Variants in PRR14L observed in about 807,000 individuals in gnomAD.
PRR14L encodes the protein proline rich 14 like.
PRR14L carries 80 observed loss-of-function variants against 155.0 expected under a neutral mutation model. The ratio of observed to expected loss-of-function variants is 0.52; its 90% CI spans 0.43 to 0.62. PRR14L has a LOEUF of 0.62. Among genes scored for constraint, PRR14L ranks in the 20% least tolerant of loss-of-function variants. The pLI is 0.00. For synonymous variants in PRR14L, 883 were observed against 916.0 expected, an observed-to-expected ratio of 0.96 and a Z score of 0.65; for missense variants, 2,469 against 2,548.0, an observed-to-expected ratio of 0.97 and a Z score of 0.67.
Position 31,713,442 on chromosome 22 carries a change from T to A in PRR14L, c.4397A>T (p.Asp1466Val). ...SIVAQTQKLE[D>V]QKEERLHHPL... is the part of the protein sequence containing the mutation. Reference sequence around the variant, plus strand: ...ATGATGTAACCTTTCCTCCTTCTGGTCTTCTAACTTCTGAGTCTGTGCCAC... The same window carrying A: ...ATGATGTAACCTTTCCTCCTTCTGGACTTCTAACTTCTGAGTCTGTGCCAC... Residue 1466 changes from aspartate to valine, a missense_variant, in exon 4 of 9, where the codon GAC becomes GTC. Asp to Val is a radical substitution (Grantham distance 152). Transcript: ENST00000327423. 1 of 1,551,866 alleles carries A rather than the reference T, an allele frequency of 6.4e-7. No homozygotes were observed. The highest frequency in any genetic ancestry group is 8.7e-7 in the Non-Finnish European group (1 of 1,147,030).
chr22:31,725,121 T>A (rs2074709503), intron 3 of PRR14L, among the ~76,000 whole-genome samples: 1 of 152,092 alleles, frequency 6.6e-6, no homozygotes, highest in African/African-American at 2.4e-5. Context: ...ACTTGCTGGG[T>A]GCGGTGGCTC....
intron 7 of PRR14L, among the ~76,000 whole-genome samples, chr22:31,688,671 C>T (rs1414578801): frequency 6.6e-6 from 1 of 152,068 alleles, no homozygotes; most frequent in Non-Finnish European, 1.5e-5. Context: ...TATTATTTTT[C>T]ATAGATTTAT....
chr22:31,697,316 A>G (rs1445977533), intron 7 of PRR14L, among the ~76,000 whole-genome samples: 1 of 151,662 alleles, frequency 6.6e-6, no homozygotes, highest in Non-Finnish European at 1.5e-5. Flanking sequence ...AAAAAAAAAA[A>G]AAAAAAGAAA....
chr22:31,742,277 A>C (rs1179890301), intron 1 of PRR14L, among the ~76,000 whole-genome samples: 1 of 151,886 alleles, frequency 6.6e-6, no homozygotes, highest in Non-Finnish European at 1.5e-5. Flanking sequence ...TTAAAACTTA[A>C]TCCTTGACTA....
Position 31,716,584 on chromosome 22 carries a change from C to T in PRR14L, c.1255G>A (p.Glu419Lys). The T allele has an allele frequency of 6.5e-7, 1 of 1,549,290 alleles. No homozygotes were observed. The highest frequency in any genetic ancestry group is 1.2e-5 in the South Asian group (1 of 83,320). ...CGACCACTAATCTCCTTTTCTGGTT[C>T]CCTGGCATTAAAAAGAAAAGGTCCA... ...RGGPFLFNAR[E>K]PEKEISGRCS... is the part of the protein sequence containing the mutation. Residue 419 changes from glutamate to lysine, a missense_variant, in exon 4 of 9, where the codon GAA becomes AAA. Transcript: ENST00000327423.
chr22:31,712,638 G>C lies in PRR14L; in HGVS notation c.5201C>G (p.Ser1734Cys), dbSNP rs772900077. ...ACAGTGCTCAGGAAAAGTCCTTGAGGACTCAGTCGTGCAATCTGAGCTGGA... is the reference window on the plus strand; with the variant it reads ...ACAGTGCTCAGGAAAAGTCCTTGAGCACTCAGTCGTGCAATCTGAGCTGGA... Reference protein sequence around the residue: ...KSSSSDCTTESSRTFPEHCAP... With the variant: ...KSSSSDCTTECSRTFPEHCAP... The change falls in exon 4 of 9, where the codon TCC (serine) becomes TGC (cysteine). Residue 1734 changes from serine to cysteine, a missense_variant. By Grantham distance (112) the Ser-to-Cys change is moderately radical. Around this residue, in one of 2 missense-constraint regions of PRR14L, gnomAD observed 2,363 missense variants for 2,371.6 expected, o/e 1.00. Transcript: ENST00000327423. 5 of 1,551,750 alleles carry C rather than the reference G, an allele frequency of 3.2e-6. No individual in the cohort carries two copies. In the South Asian group the frequency reaches 4.8e-5, roughly 15 times the overall value.
rs1193451918 is a variant in PRR14L, at chr22:31,738,538, A to G, written c.323T>C (p.Leu108Ser). ...GCTCTCGCTTCTCTTTGCCCTATCC[A>G]AGATCCCAGATGCCACAGAACCTCC... ...TAGGSVASGI[L>S]DRAKRSESME... Residue 108 changes from leucine (L) to serine (S), a missense_variant, in exon 2 of 9, where the codon TTG becomes TCG. Physicochemically the swap from Leu to Ser is moderately radical, Grantham distance 145. Transcript: ENST00000327423. The G allele has an allele frequency of 1.9e-6, 3 of 1,551,998 alleles. No homozygotes were observed. Among genetic ancestry groups the G allele is most frequent in the Admixed American group, 2.0e-5 (1 of 50,990 alleles).
At chr22:31,703,935 T>C (rs980003248) in intron 5 of PRR14L, among the ~76,000 whole-genome samples, 4 of 151,910 alleles carry the variant, frequency 2.6e-5, no homozygotes, top group Non-Finnish European at 4.4e-5. Context: ...GTAGCTGAAA[T>C]TACAGGCATG....
At chr22:31,736,373 C>T (rs927287978) in intron 2 of PRR14L, among the ~76,000 whole-genome samples, 1 of 143,234 alleles carries the variant, frequency 7.0e-6, no homozygotes, top group Non-Finnish European at 1.5e-5. Context: ...GCAATAAGAG[C>T]GAAACTCTGT....
At chr22:31,729,639 A>T (rs2074737011) in intron 2 of PRR14L, among the ~76,000 whole-genome samples, 1 of 152,236 alleles carries the variant, frequency 6.6e-6, no homozygotes, top group Admixed American at 6.5e-5. Flanking sequence ...ACTTTTAAAA[A>T]TATTAAGACC....
At chr22:31,685,845 C>T (rs1422696370) in intron 8 of PRR14L, 42 bp from the exon 9 acceptor site, 2 of 1,532,362 alleles carry the variant, frequency 1.3e-6, no homozygotes, top group Admixed American at 2.0e-5. Context: ...GACTGACTCA[C>T]ATGGCCCATC....
chr22:31,741,293 CTCCACTAAAAAT>C (rs1289432303), intron 1 of PRR14L, among the ~76,000 whole-genome samples: 60 of 142,780 alleles, frequency 4.2e-4, no homozygotes, highest in Non-Finnish European at 5.8e-4. Flanking sequence ...GAAATCCAGT[CTCCACTAAAAAT>C]ACCAAAATTA....
At chr22:31,728,835 T>C (rs2074732475) in intron 2 of PRR14L, among the ~76,000 whole-genome samples, 1 of 151,962 alleles carries the variant, frequency 6.6e-6, no homozygotes, top group African/African-American at 2.4e-5. Flanking sequence ...TCTACCATTA[T>C]GGGGAAAAAA....
Position 31,715,556 on chromosome 22 carries a change from A to C in PRR14L, c.2283T>G (p.Asn761Lys), listed in dbSNP as rs1343989417. 6.4e-7 allele frequency: 1 copy of C among 1,551,952 alleles called. No homozygotes were observed. The highest frequency in any genetic ancestry group is 8.7e-7 in the Non-Finnish European group (1 of 1,147,084). ...GAGGAAAGCCAGCTGCTTCTCTCTTATTTGAGCGCAGCCTGGAATGTAGAG... is the reference window on the plus strand; with the variant it reads ...GAGGAAAGCCAGCTGCTTCTCTCTTCTTTGAGCGCAGCCTGGAATGTAGAG... ...TKALHSRLRS[N>K]KREAAGFPQV... Residue 761 changes from asparagine to lysine, a missense_variant, in exon 4 of 9, where the codon AAT becomes AAG. Physicochemically the swap from Asn to Lys is moderately conservative, Grantham distance 94 (BLOSUM62 0). Around this residue, in one of 2 missense-constraint regions of PRR14L, gnomAD observed 2,363 missense variants for 2,371.6 expected, o/e 1.00. Transcript: ENST00000327423.
Position 31,683,016 on chromosome 22 carries a change from C to T in PRR14L, c.*2511G>A, listed in dbSNP as rs2074462611. ...GTAATTTCAAGTTTGCAGTGGGGCC[C>T]CCTTCTCAACTTTGGAGCAGGGGAA... On this transcript the variant is annotated 3_prime_UTR_variant, in exon 9 of 9. Coordinates refer to ENST00000327423, the MANE Select transcript of PRR14L (RefSeq NM_173566.3). 1 of 152,172 alleles carries T rather than the reference C, an allele frequency of 6.6e-6. No homozygotes were observed. The highest frequency in any genetic ancestry group is 6.6e-5 in the Admixed American group (1 of 15,240). 9.4% of individuals were successfully genotyped at this position (152,172 alleles called of 1,614,324 possible). A position where few individuals can be genotyped will look rare whatever the true frequency, so the allele number is the denominator to read the frequency against.
intron 4 of PRR14L, among the ~76,000 whole-genome samples, chr22:31,708,242 G>A (rs2074601909): frequency 6.6e-6 from 1 of 152,152 alleles, no homozygotes; most frequent in Non-Finnish European, 1.5e-5. Context: ...TCATGTTCTG[G>A]GTTTTTTTTC....
rs2074638701 is a variant in PRR14L, at chr22:31,713,931, C to G, written c.3908G>C (p.Cys1303Ser). Residue 1303 changes from cysteine to serine, a missense_variant, in exon 4 of 9, where the codon TGT becomes TCT. Physicochemically the swap from Cys to Ser is moderately radical, Grantham distance 112. This residue lies in a region of PRR14L where 2,363 missense variants were observed against 2,371.6 expected (regional missense o/e 1.00). Transcript: ENST00000327423. ...AGCTTTGCAAGCATTCTTTTCCACA[C>G]AGGTACATACGCTGTCTCTGTCACT... ...NSSDRDSVCT[C>S]VEKNACKACH... 6.4e-7 allele frequency: 1 copy of G among 1,551,854 alleles called. No individual in the cohort carries two copies. Among genetic ancestry groups the G allele is most frequent in the Non-Finnish European group, 8.7e-7 (1 of 1,147,020 alleles).
chr22:31,730,191 G>C (rs1427882287), intron 2 of PRR14L, among the ~76,000 whole-genome samples: 1 of 151,122 alleles, frequency 6.6e-6, no homozygotes, highest in Non-Finnish European at 1.5e-5. Flanking sequence ...TGTAATCCCA[G>C]CACTTTGGGA....
intron 4 of PRR14L, among the ~76,000 whole-genome samples, chr22:31,708,295 G>A (rs948700778): frequency 4.0e-5 from 6 of 151,766 alleles, no homozygotes; most frequent in Non-Finnish European, 4.4e-5. Context: ...AGATGCTCAG[G>A]GAACTACACA....
Sources: allele counts gnomAD v4.1 joint callset (sites outside exome capture counted in the v4.1 genomes callset), GRCh38; gene constraint gnomAD v4.1.1; regional missense constraint gnomAD v4.1.1; transcripts MANE v1.5; gene names NCBI Gene and HGNC (gene_info 2026-07-23, HGNC 2026-07-21).